GRM5: variants seen among roughly 807,000 people sequenced by gnomAD.
GRM5 encodes the protein metabotropic glutamate receptor 5.
Under a neutral mutation model 83.1 loss-of-function variants are expected in GRM5, and 19 were observed. The observed-to-expected ratio is 0.23, with a 90% confidence interval of 0.16 to 0.34. The LOEUF is 0.34. Ranked by LOEUF, GRM5 falls within the 10% of genes least tolerant of loss-of-function variation. The probability of loss-of-function intolerance (pLI) is 1.00; values close to 1 mark genes in which losing one functional copy is unlikely to be tolerated. For synonymous variants in GRM5, 675 were observed against 633.6 expected (o/e 1.07, Z -0.98); for missense variants, 1,160 against 1,588.3 (o/e 0.73, Z 4.58).
At chr11:88,692,289 A>C (rs1016412866) in intron 3 of GRM5, among the ~76,000 whole-genome samples, 2 of 152,224 alleles carry the variant, frequency 1.3e-5, no homozygotes, top group African/African-American at 4.8e-5. Flanking sequence ...TGATTTGCCT[A>C]TATCTGTCTT....
intron 3 of GRM5, among the ~76,000 whole-genome samples, chr11:88,789,429 A>G (rs1248765719): frequency 1.3e-5 from 2 of 152,218 alleles, no homozygotes; most frequent in African/African-American, 4.8e-5. Context: ...TTATTTCGGT[A>G]AGGCTTATCT....
At chr11:88,932,536 G>A (rs1181601617) in intron 2 of GRM5, among the ~76,000 whole-genome samples, 3 of 151,740 alleles carry the variant, frequency 2.0e-5, no homozygotes, top group African/African-American at 4.8e-5. Flanking sequence ...TATATCTGCT[G>A]TTGTGTCTGT....
At chr11:88,553,294 G>A (rs980008731) in intron 8 of GRM5, among the ~76,000 whole-genome samples, 41 of 152,188 alleles carry the variant, frequency 2.7e-4, no homozygotes, top group African/African-American at 9.9e-4. Flanking sequence ...GATGAGAAAA[G>A]TCTACTTTTG....
intron 2 of GRM5, among the ~76,000 whole-genome samples, chr11:88,972,847 C>CA (rs1354084659): frequency 2.0e-5 from 3 of 152,096 alleles, no homozygotes; most frequent in African/African-American, 7.2e-5. Context: ...AATAATGAAA[C>CA]AAAATCAGCA....
intron 2 of GRM5, among the ~76,000 whole-genome samples, chr11:88,996,958 A>C (rs1480376700): frequency 6.6e-6 from 1 of 152,250 alleles, no homozygotes; most frequent in East Asian, 1.9e-4. Context: ...AGTTGACAAT[A>C]TAACAAAATT....
At chr11:88,657,008 G>A (rs1287025357) in intron 3 of GRM5, among the ~76,000 whole-genome samples, 1 of 152,082 alleles carries the variant, frequency 6.6e-6, no homozygotes, top group African/African-American at 2.4e-5. Flanking sequence ...AATATCAAGG[G>A]ACTAGGGATA....
intron 2 of GRM5, among the ~76,000 whole-genome samples, chr11:88,987,871 A>G (rs2135039100): frequency 6.6e-6 from 1 of 151,200 alleles, no homozygotes; most frequent in South Asian, 2.1e-4. Flanking sequence ...CATCACCATC[A>G]TCAAAGACCA....
At chr11:88,884,710 C>T (rs1328629093) in intron 2 of GRM5, among the ~76,000 whole-genome samples, 2 of 152,088 alleles carry the variant, frequency 1.3e-5, no homozygotes, top group Non-Finnish European at 2.9e-5. Flanking sequence ...GTGGGTCTTC[C>T]CTATGCTATT....
In GRM5 at chr11:88,833,976, G is replaced by A. The variant is rs73541451; in HGVS notation, c.911+15930C>T. 5.4e-3 allele frequency among the ~76,000 whole-genome samples: 828 copies of A among 152,246 alleles called. 14 individuals carry two copies. The highest frequency in any genetic ancestry group is 0.019 in the African/African-American group (794 of 41,558). On this transcript the variant is annotated intron_variant, in intron 3 of 9. Coordinates refer to ENST00000305447, the MANE Select transcript of GRM5 (RefSeq NM_001143831.3). ...AGAAGGGTGTGTACATGGGTAGGGC[G>A]TAAATAAGAGAGGTTGGTTAATGGG...
intron 2 of GRM5, among the ~76,000 whole-genome samples, chr11:88,857,363 A>G (rs1357268627): frequency 6.6e-6 from 1 of 152,088 alleles, no homozygotes; most frequent in Non-Finnish European, 1.5e-5. Context: ...CTCTCATGTG[A>G]GTTGTGACAT....
intron 4 of GRM5, among the ~76,000 whole-genome samples, chr11:88,640,253 G>A (rs1467279387): frequency 6.6e-6 from 1 of 152,116 alleles, no homozygotes; most frequent in Admixed American, 6.5e-5. Flanking sequence ...ACATGCACTA[G>A]TATCATGTGA....
intron 7 of GRM5, among the ~76,000 whole-genome samples, chr11:88,570,569 ATATTTT>A (rs1294699572): frequency 9.5e-4 from 70 of 73,812 alleles, no homozygotes; most frequent in Middle Eastern, 7.2e-3. Context: ...ATATATATAT[ATATTTT>A]TTTTTTTTTT....
At chr11:88,640,772 A>C (rs1939267132) in intron 4 of GRM5, among the ~76,000 whole-genome samples, 1 of 151,446 alleles carries the variant, frequency 6.6e-6, no homozygotes, top group Non-Finnish European at 1.5e-5. Context: ...AGATGTATAC[A>C]GTGAGGTATA....
At chr11:88,895,228 GA>G (rs1304489333) in intron 2 of GRM5, among the ~76,000 whole-genome samples, 2 of 151,904 alleles carry the variant, frequency 1.3e-5, no homozygotes, top group Admixed American at 6.6e-5. Context: ...TTGGATGGGG[GA>G]AAGTGATTTG....
At chr11:88,668,290 G>A (rs1307540080) in intron 3 of GRM5, among the ~76,000 whole-genome samples, 1 of 97,284 alleles carries the variant, frequency 1.0e-5, no homozygotes, top group Non-Finnish European at 2.0e-5. Context: ...AACATCCCCA[G>A]AAACTCGCAC....
At chr11:88,535,141 T>C (rs1174196791) in intron 8 of GRM5, among the ~76,000 whole-genome samples, 1 of 152,180 alleles carries the variant, frequency 6.6e-6, no homozygotes, top group Non-Finnish European at 1.5e-5. Context: ...AAGATACTTA[T>C]TTTTTTAAGA....
At chr11:88,890,864 T>C (rs2135584661) in intron 2 of GRM5, among the ~76,000 whole-genome samples, 1 of 152,242 alleles carries the variant, frequency 6.6e-6, no homozygotes, top group Non-Finnish European at 1.5e-5. Flanking sequence ...AGCATGTATT[T>C]GAGATCACTG....
chr11:88,656,644 A>G (rs973297635), intron 3 of GRM5, among the ~76,000 whole-genome samples: 2 of 152,168 alleles, frequency 1.3e-5, no homozygotes, highest in East Asian at 3.8e-4. Flanking sequence ...GCCTCCAAGA[A>G]TAAAGCTGAT....
rs766025392 is a variant in GRM5, at chr11:88,509,435, G to A, written c.2796C>T (p.Arg932=). ...CTTTCTTGTTGATGTGGATGGACAG[G>A]CGCTGCCACAGGTGCTGCCCCCGGC... ...KSSRGQHLWQ[R]LSIHINKKEN... is the part of the protein sequence containing the mutation. Residue 932 remains arginine, a synonymous_variant, in exon 10 of 10, where the codon CGC becomes CGT. Coordinates refer to ENST00000305447, the MANE Select transcript of GRM5 (RefSeq NM_001143831.3). 2 of 1,612,690 alleles carry A rather than the reference G, an allele frequency of 1.2e-6. No homozygotes were observed. Among genetic ancestry groups the A allele is most frequent in the Non-Finnish European group, 1.7e-6 (2 of 1,179,872 alleles).
Sources: gnomAD v4.1 joint callset for allele counts (sites outside exome capture counted in the v4.1 genomes callset) on GRCh38, gnomAD v4.1.1 for gene constraint, MANE v1.5 for transcripts, NCBI Gene and HGNC (gene_info 2026-07-23, HGNC 2026-07-21) for gene names.